The following EHMT1 variants were observed in gnomAD, a reference collection of about 807,000 sequenced individuals.
The protein encoded by EHMT1 is euchromatic histone lysine methyltransferase 1.
Under a neutral mutation model 147.2 loss-of-function variants are expected in EHMT1, and 15 were observed. The observed-to-expected ratio is 0.10, with a 90% CI of 0.07 to 0.16. The LOEUF (loss-of-function observed/expected upper bound fraction) is 0.16. Among genes scored for constraint, EHMT1 ranks in the 10% least tolerant of loss-of-function variants. EHMT1 has a pLI of 1.00. For missense variants in EHMT1, 1,587 were observed against 1,772.4 expected, an observed-to-expected ratio of 0.90 and a Z score of 1.88; for synonymous variants, 795 against 709.6, an observed-to-expected ratio of 1.12 and a Z score of -1.91.
intron 25 of EHMT1, among the ~76,000 whole-genome samples, chr9:137,829,071 C>T (rs970982648): frequency 2.0e-5 from 3 of 152,202 alleles, no homozygotes; most frequent in African/African-American, 4.8e-5. Flanking sequence ...GGGAGGCCCC[C>T]GCCCTGGTCT....
At chr9:137,632,328 A>C (rs1843688239) in intron 1 of EHMT1, among the ~76,000 whole-genome samples, 1 of 152,250 alleles carries the variant, frequency 6.6e-6, no homozygotes, top group African/African-American at 2.4e-5. Context: ...AAGGAATCAC[A>C]GAAGGCACTT....
At chr9:137,635,676 G>A (rs990557924) in intron 1 of EHMT1, among the ~76,000 whole-genome samples, 6 of 150,820 alleles carry the variant, frequency 4.0e-5, no homozygotes, top group African/African-American at 7.3e-5. Context: ...AAAAATTAGT[G>A]GGACGTGGTG....
chr9:137,656,706 C>T (rs1410484998), intron 1 of EHMT1, among the ~76,000 whole-genome samples: 3 of 152,082 alleles, frequency 2.0e-5, no homozygotes, highest in African/African-American at 4.8e-5. Flanking sequence ...GCTTCTCACC[C>T]ACAGCTGGAT....
intron 9 of EHMT1, among the ~76,000 whole-genome samples, chr9:137,761,434 T>C (rs1033827628): frequency 6.6e-6 from 1 of 152,230 alleles, no homozygotes; most frequent in African/African-American, 2.4e-5. Flanking sequence ...TTTAACACTA[T>C]ATTTTTAGAT....
intron 1 of EHMT1, among the ~76,000 whole-genome samples, chr9:137,619,547 G>A (rs1184934194): frequency 1.3e-5 from 2 of 152,106 alleles, no homozygotes; most frequent in African/African-American, 4.8e-5. Context: ...TTCTGAGTAG[G>A]ATGGCACCAT....
intron 25 of EHMT1, among the ~76,000 whole-genome samples, chr9:137,822,895 GAA>G (rs112878891): frequency 1.6e-5 from 2 of 128,078 alleles, no homozygotes; most frequent in Non-Finnish European, 3.4e-5. Context: ...ACTTCATCTC[GAA>G]AAAAAAAAAA....
chr9:137,689,162 A>C (rs1589266415), intron 1 of EHMT1, among the ~76,000 whole-genome samples: 1 of 152,316 alleles, frequency 6.6e-6, no homozygotes, highest in South Asian at 2.1e-4. Flanking sequence ...TTACAAAAGA[A>C]GTCTCTATGT....
chr9:137,694,461 A>G (rs1185897340), intron 1 of EHMT1, among the ~76,000 whole-genome samples: 1 of 152,064 alleles, frequency 6.6e-6, no homozygotes, highest in African/African-American at 2.4e-5. Flanking sequence ...GAGGAGGCGC[A>G]CAGCTGAGGC....
At chr9:137,784,341 C>T in intron 15 of EHMT1, 1 of 1,288,844 alleles carries the variant, frequency 7.8e-7, no homozygotes, top group Non-Finnish European at 9.8e-7. Flanking sequence ...GGCCCAGCCT[C>T]AAAACCTCAT....
At chr9:137,641,687 TCTGGCCTCTGTCAGGGG>T (rs1408833856) in intron 1 of EHMT1, 1 of 198,280 alleles carries the variant, frequency 5.0e-6, no homozygotes, top group Non-Finnish European at 1.0e-5. Flanking sequence ...CCTCTCTTCC[TCTGGCCTCTGTCAGGGG>T]CTGGCGCCAT....
intron 9 of EHMT1, among the ~76,000 whole-genome samples, chr9:137,758,815 T>G (rs1178987557): frequency 1.3e-5 from 2 of 152,162 alleles, no homozygotes; most frequent in African/African-American, 4.8e-5. Context: ...AATCACATCT[T>G]TAGCTTAAGA....
chr9:137,654,018 G>A (rs1181184900), intron 1 of EHMT1, among the ~76,000 whole-genome samples: 5 of 152,072 alleles, frequency 3.3e-5, no homozygotes, highest in East Asian at 1.9e-4. Flanking sequence ...TGGCTCTCCC[G>A]GTGTCCTAGC....
intron 18 of EHMT1, among the ~76,000 whole-genome samples, chr9:137,809,129 C>T (rs758930304): frequency 1.3e-5 from 2 of 152,196 alleles, no homozygotes; most frequent in Non-Finnish European, 2.9e-5. Flanking sequence ...GGCCTACACA[C>T]GGAGTTCGCT....
intron 1 of EHMT1, among the ~76,000 whole-genome samples, chr9:137,689,056 G>A (rs1942707990): frequency 6.6e-6 from 1 of 152,118 alleles, no homozygotes; most frequent in East Asian, 1.9e-4. Context: ...CCCCAGGAGT[G>A]ACTGTGACTG....
rs1950941537 is a variant in EHMT1, at chr9:137,776,174, C to T, written c.1792-444C>T. Among the ~76,000 whole-genome samples the T allele has an allele frequency of 6.6e-6, 1 of 152,176 alleles. No homozygotes were observed. The highest frequency in any genetic ancestry group is 2.1e-4 in the South Asian group (1 of 4,832). Reference sequence around the variant, plus strand: ...AATGCTGTTCTTACGGCTGTGTGCCCCTCCTCGAGGCTCACCTGGGTCGCC... The same window carrying T: ...AATGCTGTTCTTACGGCTGTGTGCCTCTCCTCGAGGCTCACCTGGGTCGCC... On this transcript the variant is annotated intron_variant, in intron 11 of 26. Coordinates refer to ENST00000460843, the MANE Select transcript of EHMT1 (RefSeq NM_024757.5). This position sits in a 1 kb window ranked among gnomAD's most constrained non-coding sequence, Gnocchi z 4.4.
intron 10 of EHMT1, among the ~76,000 whole-genome samples, chr9:137,773,507 G>A (rs1016962962): frequency 6.6e-6 from 1 of 150,380 alleles, no homozygotes; most frequent in African/African-American, 2.5e-5. Flanking sequence ...TGCCACCTGG[G>A]CGTGCCCTGC....
intron 3 of EHMT1, among the ~76,000 whole-genome samples, chr9:137,725,111 C>A (rs981621128): frequency 7.1e-6 from 1 of 140,732 alleles, no homozygotes; most frequent in Non-Finnish European, 1.5e-5. Context: ...CTGGGGCAGG[C>A]GTGTGGCATT....
intron 16 of EHMT1, chr9:137,792,200 C>G: frequency 2.3e-6 from 1 of 435,638 alleles, no homozygotes; most frequent in South Asian, 1.7e-5. Context: ...CAGTGTGGGA[C>G]TGGCATAAAG....
chr9:137,787,598 C>T lies in EHMT1; in HGVS notation c.2383-3250C>T. ...CTGCTGTGGTCGCAGACAACCGCCT[C>T]GCCTTGGCTCCCTGGCAACAAGCTG... On this transcript the variant is annotated intron_variant, in intron 15 of 26. Transcript: ENST00000460843. The surrounding 1 kb of genome is among the most constrained non-coding windows in gnomAD (Gnocchi z 4.2). 7 of 499,982 alleles carry T rather than the reference C, an allele frequency of 1.4e-5. No homozygotes were observed. Among genetic ancestry groups the T allele is most frequent in the Non-Finnish European group, 1.8e-5 (5 of 275,484 alleles). 31.0% of individuals were successfully genotyped at this position (499,982 alleles called of 1,614,324 possible). A position where few individuals can be genotyped will look rare whatever the true frequency, so the allele number is the denominator to read the frequency against.
Sources: gnomAD v4.1 joint callset for allele counts (sites outside exome capture counted in the v4.1 genomes callset) on GRCh38, gnomAD v4.1.1 for gene constraint, Gnocchi (gnomAD v3.1) non-coding constraint, MANE v1.5 for transcripts, NCBI Gene and HGNC (gene_info 2026-07-23, HGNC 2026-07-21) for gene names.